The following RARB variants were observed in gnomAD, a reference collection of about 807,000 sequenced individuals.
The protein encoded by RARB is HBV-activated protein.
RARB carries 17 observed loss-of-function variants against 51.9 expected under a neutral mutation model. The ratio of observed to expected loss-of-function variants is 0.33; its 90% CI spans 0.22 to 0.49. RARB has a LOEUF of 0.49. Among genes scored for constraint, RARB ranks in the 20% least tolerant of loss-of-function variants. The probability of loss-of-function intolerance (pLI) is 0.99; values close to 1 mark genes in which losing one functional copy is unlikely to be tolerated. For missense variants in RARB, 369 were observed against 550.8 expected (o/e 0.67, Z 3.30); for synonymous variants, 215 against 195.4 (o/e 1.10, Z -0.84).
At chr3:25,179,102 T>TA (rs1173829394) in intron 5 of RARB, among the ~76,000 whole-genome samples, 4 of 152,212 alleles carry the variant, frequency 2.6e-5, no homozygotes, top group Non-Finnish European at 5.9e-5. Flanking sequence ...GGTATTTGCT[T>TA]AAAAAATCCC....
intron 5 of RARB, among the ~76,000 whole-genome samples, chr3:25,250,157 G>C (rs560052988): frequency 2.1e-4 from 32 of 152,302 alleles, no homozygotes; most frequent in Non-Finnish European, 3.4e-4. Flanking sequence ...GGTGGTGCCA[G>C]CTGTAGTAGT....
intron 5 of RARB, among the ~76,000 whole-genome samples, chr3:25,276,135 A>G (rs1703378186): frequency 6.6e-6 from 1 of 152,226 alleles, no homozygotes; most frequent in Non-Finnish European, 1.5e-5. Flanking sequence ...ATTCATGTAA[A>G]AGCCTTAGAA....
intron 5 of RARB, among the ~76,000 whole-genome samples, chr3:25,306,735 A>G (rs1165527658): frequency 1.3e-5 from 2 of 152,228 alleles, no homozygotes; most frequent in Non-Finnish European, 2.9e-5. Flanking sequence ...CTTTAATGAA[A>G]ACATAGTTGG....
intron 2 of RARB, among the ~76,000 whole-genome samples, chr3:25,025,545 C>T (rs1167974905): frequency 1.3e-5 from 2 of 152,030 alleles, no homozygotes; most frequent in African/African-American, 2.4e-5. Flanking sequence ...AAAGTAGAAA[C>T]TATAAGTTAC....
intron 5 of RARB, among the ~76,000 whole-genome samples, chr3:25,267,900 T>A (rs1703162138): frequency 6.6e-6 from 1 of 152,210 alleles, no homozygotes; most frequent in Admixed American, 6.6e-5. Context: ...CATAGAAATC[T>A]AATATGGAAA....
intron 3 of RARB, among the ~76,000 whole-genome samples, chr3:25,549,604 A>G (rs982380177): frequency 6.6e-5 from 10 of 152,130 alleles, no homozygotes; most frequent in African/African-American, 2.4e-4. Context: ...ATCAGAGCAC[A>G]CCTTGAAACA....
chr3:25,417,435 A>G (rs1707733537), intron 5 of RARB, among the ~76,000 whole-genome samples: 1 of 152,142 alleles, frequency 6.6e-6, no homozygotes, highest in Non-Finnish European at 1.5e-5. Context: ...GTGGGAGGTA[A>G]CTGACTCCCC....
chr3:25,175,261 CAA>C (rs1700720864), intron 5 of RARB, among the ~76,000 whole-genome samples: 1 of 152,190 alleles, frequency 6.6e-6, no homozygotes, highest in Non-Finnish European at 1.5e-5. Context: ...TGTTTAAAGA[CAA>C]ACTGTGGTAG....
At chr3:25,226,387 T>C (rs1223341777) in intron 5 of RARB, among the ~76,000 whole-genome samples, 3 of 152,214 alleles carry the variant, frequency 2.0e-5, no homozygotes, top group Non-Finnish European at 4.4e-5. Flanking sequence ...AATAGCTTCA[T>C]TGCAATATTT....
chr3:24,905,410 A>C (rs1445568101), intron 2 of RARB, among the ~76,000 whole-genome samples: 5 of 152,184 alleles, frequency 3.3e-5, no homozygotes, highest in Non-Finnish European at 7.3e-5. Context: ...ACATCTGACC[A>C]CATCTCTTCT....
At chr3:25,437,300 C>A (rs1708476875) in intron 1 of RARB, among the ~76,000 whole-genome samples, 1 of 152,140 alleles carries the variant, frequency 6.6e-6, no homozygotes, top group African/African-American at 2.4e-5. Context: ...TTGACTTTTA[C>A]AAGTGAGCAT....
chr3:25,295,695 G>A lies in RARB; in HGVS notation c.178+121120G>A, dbSNP rs540805268. On this transcript the variant is annotated intron_variant, in intron 5 of 11. Transcript: ENST00000383772. ...TTCTCCCAGGCCTAAGATTCGATAT[G>A]TCAGTGGCCCACTTTTATTGCTGTG... 2.9e-3 allele frequency among the ~76,000 whole-genome samples: 440 copies of A among 152,270 alleles called. 6 individuals carry two copies. Among genetic ancestry groups the A allele is most frequent in the African/African-American group, 0.01 (433 of 41,554 alleles).
intron 5 of RARB, among the ~76,000 whole-genome samples, chr3:25,380,892 T>C (rs1706605875): frequency 6.6e-6 from 1 of 152,190 alleles, no homozygotes; most frequent in African/African-American, 2.4e-5. Flanking sequence ...TTTAGCTATT[T>C]TGTCATGCAT....
At chr3:24,951,502 G>T (rs375881991) in intron 2 of RARB, among the ~76,000 whole-genome samples, 1 of 152,152 alleles carries the variant, frequency 6.6e-6, no homozygotes, top group Non-Finnish European at 1.5e-5. Context: ...CTAGCTAAAC[G>T]CTTGCTGAGA....
At chr3:25,212,071 A>C (rs144242979) in intron 5 of RARB, among the ~76,000 whole-genome samples, 1 of 152,292 alleles carries the variant, frequency 6.6e-6, no homozygotes, top group Admixed American at 6.5e-5. Flanking sequence ...GGTGGTGAGC[A>C]TTGTCATTTT....
intron 5 of RARB, among the ~76,000 whole-genome samples, chr3:25,176,996 G>C (rs531912073): frequency 1.3e-5 from 2 of 152,248 alleles, no homozygotes; most frequent in East Asian, 3.9e-4. Flanking sequence ...TGTAAGGAGA[G>C]TGCTAAGTAA....
chr3:25,550,382 G>C (rs1028229178), intron 3 of RARB, among the ~76,000 whole-genome samples: 1 of 152,096 alleles, frequency 6.6e-6, no homozygotes, highest in Admixed American at 6.5e-5. Context: ...TCTGAAGGCT[G>C]GGAAGTCCAA....
intron 2 of RARB, among the ~76,000 whole-genome samples, chr3:24,880,235 T>A (rs905186057): frequency 1.2e-4 from 18 of 152,012 alleles, no homozygotes; most frequent in Non-Finnish European, 2.2e-4. Context: ...AGCACATATG[T>A]ATGGCTATCA....
chr3:25,239,981 G>T (rs1255142503), intron 5 of RARB, among the ~76,000 whole-genome samples: 4 of 151,104 alleles, frequency 2.6e-5, no homozygotes, highest in Admixed American at 1.3e-4. Flanking sequence ...GTGTTTGGTA[G>T]CTTTCCTTGT....
Sources: allele counts gnomAD v4.1 joint callset (sites outside exome capture counted in the v4.1 genomes callset), GRCh38; gene constraint gnomAD v4.1.1; transcripts MANE v1.5; gene names NCBI Gene and HGNC (gene_info 2026-07-23, HGNC 2026-07-21).